USP34: variants seen among roughly 807,000 people sequenced by gnomAD.
USP34 encodes ubiquitin specific peptidase 34.
A neutral mutation model predicts 460.3 loss-of-function variants in USP34; 70 were observed. The observed-to-expected ratio is 0.15, with a 90% confidence interval of 0.13 to 0.19. The LOEUF is 0.19. Among genes scored for constraint, USP34 ranks in the 10% least tolerant of loss-of-function variants. The probability of loss-of-function intolerance (pLI) is 1.00; values close to 1 mark genes in which losing one functional copy is unlikely to be tolerated. For synonymous variants in USP34, 1,647 were observed against 1,405.3 expected (o/e 1.17, Z -3.85); for missense variants, 3,985 against 4,236.2 (o/e 0.94, Z 1.65).
intron 18 of USP34, among the ~76,000 whole-genome samples, chr2:61,337,633 T>C (rs1215122752): frequency 2.6e-5 from 4 of 152,110 alleles, no homozygotes; most frequent in Non-Finnish European, 4.4e-5. Context: ...TTTATTTGTA[T>C]TTTTTGTAGA....
chr2:61,466,440 A>G (rs576733785), intron 1 of USP34, among the ~76,000 whole-genome samples: 3 of 152,258 alleles, frequency 2.0e-5, no homozygotes, highest in African/African-American at 7.2e-5. Context: ...AAACAATAAT[A>G]TATGATACAG....
rs555667681 is a variant in USP34 at position 61,324,027 on chromosome 2, G to C, written c.3013+1348C>G. The stretch of plus-strand genomic sequence containing the variant: ...ATATCTCAAGCATAGGTATGGACTT[G>C]AAAAGAGTCATGACGACTCCTAGCA... On this transcript the variant is annotated intron_variant, in intron 21 of 79. Coordinates refer to ENST00000398571, the MANE Select transcript of USP34 (RefSeq NM_014709.4). 5.3e-5 allele frequency among the ~76,000 whole-genome samples: 8 copies of C among 152,288 alleles called. No homozygotes were observed. The South Asian group carries it at 1.7e-3, about 32-fold the overall frequency.
In USP34 at chr2:61,311,137, A is replaced by G. The variant is rs574330824; in HGVS notation, c.3817+403T>C. 1.1e-4 allele frequency among the ~76,000 whole-genome samples: 16 copies of G among 152,296 alleles called. 1 individual carries two copies. Among genetic ancestry groups the G allele is most frequent in the East Asian group, 3.8e-4 (2 of 5,196 alleles). On this transcript the variant is annotated intron_variant, in intron 27 of 79. Transcript: ENST00000398571. ...TTGTTCTCTCTGAAAATTCATGTTG[A>G]ACATTAATCTCCAATGCAACAGGTT...
intron 1 of USP34, among the ~76,000 whole-genome samples, chr2:61,440,904 G>A (rs2104023666): frequency 6.6e-6 from 1 of 151,840 alleles, no homozygotes; most frequent in East Asian, 2.0e-4. Context: ...GAGACGGGTG[G>A]ATCATGAGGT....
At chr2:61,295,998 C>G (rs1005676918) in intron 30 of USP34, among the ~76,000 whole-genome samples, 1 of 152,168 alleles carries the variant, frequency 6.6e-6, no homozygotes, top group Admixed American at 6.5e-5. Context: ...GTGGCTCATG[C>G]CTATAATCCC....
intron 34 of USP34, among the ~76,000 whole-genome samples, chr2:61,286,671 C>G (rs1689699835): frequency 6.6e-6 from 1 of 151,888 alleles, no homozygotes; most frequent in African/African-American, 2.4e-5. Flanking sequence ...AAACCCCAAA[C>G]CACTGGCATG....
rs1055140152 is a variant in USP34 at position 61,259,872 on chromosome 2, G to A, written c.5779-96C>T. On this transcript the variant is annotated intron_variant, in intron 43 of 79. Coordinates refer to ENST00000398571, the MANE Select transcript of USP34 (RefSeq NM_014709.4). ...AAGTCTTGCAATGTACACTGTATCTGTTTTCATTCTTTTGGCTATATAAAA... is the reference window on the plus strand; with the variant it reads ...AAGTCTTGCAATGTACACTGTATCTATTTTCATTCTTTTGGCTATATAAAA... 5 of 1,064,626 alleles carry A rather than the reference G, an allele frequency of 4.7e-6. No individual in the cohort carries two copies. The African/African-American group carries it at 4.8e-5, about 10-fold the overall frequency. The allele number at this position is 1,064,626 out of a possible 1,614,324, so 65.9% of individuals were successfully genotyped here. A position where few individuals can be genotyped will look rare whatever the true frequency, so the allele number is the denominator to read the frequency against.
At position 61,229,586 on chromosome 2, in the gene USP34, C is replaced by T. The variant is rs774232145; in HGVS notation, c.7161G>A (p.Val2387=). ...CTGGCTGCAAATAGAGATGAGCATG[C>T]ACAGGTCTCAGCCTCTGAATCACAT... ...CIHVIQRLRP[V]HAHLYLQPGM... Residue 2387 remains valine, a synonymous_variant, in exon 59 of 80, where the codon GTG becomes GTA. Coordinates refer to ENST00000398571, the MANE Select transcript of USP34 (RefSeq NM_014709.4). 2 of 1,612,092 alleles carry T rather than the reference C, an allele frequency of 1.2e-6. No individual in the cohort carries two copies. Among genetic ancestry groups the T allele is most frequent in the Admixed American group, 3.3e-5 (2 of 59,834 alleles).
intron 2 of USP34, among the ~76,000 whole-genome samples, chr2:61,410,683 G>A (rs141162964): frequency 1.3e-5 from 2 of 152,012 alleles, no homozygotes; most frequent in African/African-American, 2.4e-5. Context: ...TTCTCTATTC[G>A]AAATCCTACT....
At chr2:61,403,343 G>T (rs1356499916) in intron 3 of USP34, among the ~76,000 whole-genome samples, 1 of 152,032 alleles carries the variant, frequency 6.6e-6, no homozygotes, top group African/African-American at 2.4e-5. Context: ...TACTTATATA[G>T]TTCTATATCA....
chr2:61,360,912 T>C (rs371299888), intron 10 of USP34, among the ~76,000 whole-genome samples: 1 of 152,176 alleles, frequency 6.6e-6, no homozygotes. Context: ...AGTTAGCTCC[T>C]TGGCCTCCCC....
chr2:61,358,016 T>G (rs761041388), intron 10 of USP34, among the ~76,000 whole-genome samples: 7 of 151,444 alleles, frequency 4.6e-5, no homozygotes, highest in Non-Finnish European at 8.8e-5. Context: ...CATGGCGAAA[T>G]CCCATCTCTA....
At chr2:61,217,653 C>G (rs887124855) in intron 67 of USP34, among the ~76,000 whole-genome samples, 6 of 152,156 alleles carry the variant, frequency 3.9e-5, no homozygotes, top group African/African-American at 1.4e-4. Flanking sequence ...AACAGTATTA[C>G]TGACATTAAA....
chr2:61,412,207 AG>A (rs1347949739), intron 2 of USP34, among the ~76,000 whole-genome samples: 164 of 145,992 alleles, frequency 1.1e-3, no homozygotes, highest in African/African-American at 3.7e-3. Flanking sequence ...AAAAAAAAAA[AG>A]AAAAGGAAGA....
chr2:61,290,747 T>C (rs1053908205), intron 33 of USP34, among the ~76,000 whole-genome samples: 4 of 152,162 alleles, frequency 2.6e-5, no homozygotes, highest in African/African-American at 9.6e-5. Context: ...CTCTTTAAAA[T>C]GAGTGCATTA....
rs769331665 is a variant in USP34 at position 61,331,382 on chromosome 2, T to C, written c.2835-11A>G. 3 of 1,603,370 alleles carry C rather than the reference T, an allele frequency of 1.9e-6. No individual in the cohort carries two copies. The highest frequency in any genetic ancestry group is 2.2e-5 in the East Asian group (1 of 44,616). On this transcript the variant is annotated splice_polypyrimidine_tract_variant and intron_variant, in intron 19 of 79. Coordinates refer to ENST00000398571, the MANE Select transcript of USP34 (RefSeq NM_014709.4). Reference sequence around the variant, plus strand: ...TCTTTTTCTGCCCACCTGGCCCAAATAAAAGAAAAAATAATTTTAAAGTGG... The same window carrying C: ...TCTTTTTCTGCCCACCTGGCCCAAACAAAAGAAAAAATAATTTTAAAGTGG...
chr2:61,208,179 T>C (rs1424465187), intron 70 of USP34: 1 of 152,192 alleles, frequency 6.6e-6, no homozygotes, highest in Non-Finnish European at 1.5e-5. Flanking sequence ...TTCAAAGTCA[T>C]CCCTCTGCTC....
chr2:61,398,453 G>A (rs1212317665), intron 3 of USP34, among the ~76,000 whole-genome samples: 1 of 137,888 alleles, frequency 7.3e-6, no homozygotes, highest in Non-Finnish European at 1.6e-5. Context: ...GGAAAGTGGG[G>A]GAAGGACGGA....
chr2:61,292,813 T>A (rs1184311523), intron 33 of USP34, among the ~76,000 whole-genome samples: 4 of 152,206 alleles, frequency 2.6e-5, no homozygotes, highest in African/African-American at 9.6e-5. Flanking sequence ...TATTAAGATT[T>A]AAATATTCTA....
Sources: gnomAD v4.1 joint callset for allele counts (sites outside exome capture counted in the v4.1 genomes callset) on GRCh38, gnomAD v4.1.1 for gene constraint, MANE v1.5 for transcripts, NCBI Gene and HGNC (gene_info 2026-07-23, HGNC 2026-07-21) for gene names.